Variants in HDAC4 observed in about 807,000 individuals in gnomAD.
HDAC4 encodes the protein histone deacetylase A.
In HDAC4, 16 loss-of-function variants were observed where a neutral mutation model predicts 135.1. The observed-to-expected ratio is 0.12, with a 90% confidence interval of 0.08 to 0.18. HDAC4 has a LOEUF of 0.18. HDAC4 is among the 10% of genes least tolerant of loss of function. HDAC4 has a pLI of 1.00. For synonymous variants in HDAC4, 685 were observed against 653.4 expected, an observed-to-expected ratio of 1.05 and a Z score of -0.74; for missense variants, 1,143 against 1,511.8, an observed-to-expected ratio of 0.76 and a Z score of 4.05.
intron 4 of HDAC4, among the ~76,000 whole-genome samples, chr2:239,179,776 G>T (rs1484128230): frequency 1.3e-5 from 2 of 152,248 alleles, no homozygotes; most frequent in Non-Finnish European, 2.9e-5. Context: ...ATGGGGGGCT[G>T]GGTCCCTGAG....
chr2:239,284,120 C>G (rs1390097724), intron 2 of HDAC4, among the ~76,000 whole-genome samples: 1 of 152,240 alleles, frequency 6.6e-6, no homozygotes, highest in Admixed American at 6.5e-5. Context: ...CCACATGACA[C>G]TCACCTGCTG....
rs2041208726 is a variant in HDAC4, at chr2:239,139,587, A to G, written c.978+97T>C. On this transcript the variant is annotated intron_variant, in intron 9 of 26. Coordinates refer to ENST00000543185, the MANE Select transcript of HDAC4 (RefSeq NM_001378414.1). This position sits in a 1 kb window ranked among gnomAD's most constrained non-coding sequence, Gnocchi z 5.3. ...TTCCCTCACCCCAAATTGGAAGGTG[A>G]AGAGTGAAGGGCAAGTGCAAAGTGG... 1 of 1,108,822 alleles carries G rather than the reference A, an allele frequency of 9.0e-7. No homozygotes were observed. Among genetic ancestry groups the G allele is most frequent in the Non-Finnish European group, 1.4e-6 (1 of 720,146 alleles). The allele number at this position is 1,108,822 out of a possible 1,614,324, so 68.7% of individuals were successfully genotyped here. A position where few individuals can be genotyped will look rare whatever the true frequency, so the allele number is the denominator to read the frequency against.
At chr2:239,198,962 C>A (rs998168149) in intron 3 of HDAC4, among the ~76,000 whole-genome samples, 7 of 152,188 alleles carry the variant, frequency 4.6e-5, no homozygotes, top group Non-Finnish European at 2.9e-5. Flanking sequence ...AATAAATGGA[C>A]AAGTCTGTAA....
Position 239,115,683 on chromosome 2 carries a change from G to A in HDAC4, c.1534-373C>T, listed in dbSNP as rs909475344. ...TTGAGTGTGAAGGGGAGAGGCCAAT[G>A]CTGACCTCACAGCCACAACTGCTAA... On this transcript the variant is annotated intron_variant, in intron 12 of 26. Transcript: ENST00000543185. This position sits in a 1 kb window ranked among gnomAD's most constrained non-coding sequence, Gnocchi z 6.3. Among the ~76,000 whole-genome samples, 1 of 152,000 alleles carries A rather than the reference G, an allele frequency of 6.6e-6. No homozygotes were observed. The highest frequency in any genetic ancestry group is 2.4e-5 in the African/African-American group (1 of 41,362).
chr2:239,323,653 AG>A (rs2053383689), intron 2 of HDAC4, among the ~76,000 whole-genome samples: 1 of 152,048 alleles, frequency 6.6e-6, no homozygotes, highest in African/African-American at 2.4e-5. Context: ...GCGCCTGGAA[AG>A]TGCTTCTTCA....
chr2:239,312,175 C>G (rs983437328), intron 2 of HDAC4, among the ~76,000 whole-genome samples: 8 of 152,154 alleles, frequency 5.3e-5, no homozygotes, highest in African/African-American at 1.7e-4. Context: ...GAAGGAGGGG[C>G]GGGCAGGGGC....
chr2:239,108,831 T>G (rs1216375082), intron 14 of HDAC4, among the ~76,000 whole-genome samples: 2 of 152,234 alleles, frequency 1.3e-5, no homozygotes, highest in Non-Finnish European at 2.9e-5. Flanking sequence ...ACCACAGCAC[T>G]GAGCTCAGCA....
intron 2 of HDAC4, among the ~76,000 whole-genome samples, chr2:239,328,999 G>C (rs1691371047): frequency 6.6e-6 from 1 of 152,242 alleles, no homozygotes; most frequent in Admixed American, 6.5e-5. Flanking sequence ...TGAAAGGCTG[G>C]GAGTGTAAGC....
chr2:239,234,379 C>T (rs1039842494), intron 3 of HDAC4, among the ~76,000 whole-genome samples: 2 of 152,178 alleles, frequency 1.3e-5, no homozygotes, highest in African/African-American at 2.4e-5. Context: ...AGGTAAATGG[C>T]CAGCGTCATG....
intron 8 of HDAC4, chr2:239,140,918 T>G (rs750163396): frequency 8.5e-5 from 39 of 460,004 alleles, no homozygotes; most frequent in South Asian, 5.7e-4. Flanking sequence ...TCTGCAAATA[T>G]AGCCCCGAGC....
chr2:239,298,545 C>T, intron 2 of HDAC4: 1 of 1,025,744 alleles, frequency 9.7e-7, no homozygotes, highest in Admixed American at 5.1e-5. Context: ...ATCATAGCCA[C>T]TGGGGATGCA....
intron 3 of HDAC4, among the ~76,000 whole-genome samples, chr2:239,217,477 T>G (rs569073315): frequency 6.6e-6 from 1 of 152,212 alleles, no homozygotes; most frequent in Admixed American, 6.5e-5. Context: ...AAATATATTA[T>G]TTATATGTTA....
At chr2:239,057,135 G>A (rs1043578043) in intron 24 of HDAC4, among the ~76,000 whole-genome samples, 2 of 152,268 alleles carry the variant, frequency 1.3e-5, no homozygotes, top group African/African-American at 2.4e-5. Flanking sequence ...GACTCATATC[G>A]AAGTAAGATG....
chr2:239,294,440 A>G (rs1234089978), intron 2 of HDAC4, among the ~76,000 whole-genome samples: 1 of 152,170 alleles, frequency 6.6e-6, no homozygotes, highest in African/African-American at 2.4e-5. Flanking sequence ...GAGATGAAAA[A>G]AAAGAGAAAG....
In HDAC4 at chr2:239,308,742, G is replaced by T. The variant is rs1396094765; in HGVS notation, c.22+43936C>A. Among the ~76,000 whole-genome samples, 1 of 152,158 alleles carries T rather than the reference G, an allele frequency of 6.6e-6. No individual in the cohort carries two copies. The highest frequency in any genetic ancestry group is 1.5e-5 in the Non-Finnish European group (1 of 68,040). ...AACTCCGAATCTGCTAACGTGAAGT[G>T]CCAAGACTGCTGTCCGCCAGCGCCC... On this transcript the variant is annotated intron_variant, in intron 2 of 26. Coordinates refer to ENST00000543185, the MANE Select transcript of HDAC4 (RefSeq NM_001378414.1). This position sits in a 1 kb window ranked among gnomAD's most constrained non-coding sequence, Gnocchi z 4.2.
At position 239,115,920 on chromosome 2, in the gene HDAC4, C is replaced by T. The variant is rs143884549; in HGVS notation, c.1534-610G>A. 3.8e-3 allele frequency among the ~76,000 whole-genome samples: 577 copies of T among 152,244 alleles called. 6 individuals are homozygous for T. The highest frequency in any genetic ancestry group is 5.8e-3 in the Non-Finnish European group (393 of 68,014). Reference sequence around the variant, plus strand: ...CTCCCCTTCTGCAGGATCTCAGGGACACCATGACCTCCTTTCTTGCAGGAT... The same window carrying T: ...CTCCCCTTCTGCAGGATCTCAGGGATACCATGACCTCCTTTCTTGCAGGAT... On this transcript the variant is annotated intron_variant, in intron 12 of 26. Transcript: ENST00000543185. This position sits in a 1 kb window ranked among gnomAD's most constrained non-coding sequence, Gnocchi z 6.3.
At chr2:239,255,761 A>C (rs1244800286) in intron 2 of HDAC4, among the ~76,000 whole-genome samples, 3 of 152,190 alleles carry the variant, frequency 2.0e-5, no homozygotes, top group Non-Finnish European at 4.4e-5. Context: ...TCCTACTCTG[A>C]AACACAAAAA....
intron 2 of HDAC4, among the ~76,000 whole-genome samples, chr2:239,252,560 G>C (rs2048842418): frequency 6.6e-6 from 1 of 152,056 alleles, no homozygotes; most frequent in Non-Finnish European, 1.5e-5. Flanking sequence ...GGAAAGAGCA[G>C]AACAAAAAGG....
At chr2:239,326,719 AAAC>A (rs1421374606) in intron 2 of HDAC4, among the ~76,000 whole-genome samples, 1 of 152,262 alleles carries the variant, frequency 6.6e-6, no homozygotes. Flanking sequence ...AGTTGGAAGA[AAAC>A]AACAGATGGC....
Sources: allele counts gnomAD v4.1 joint callset (sites outside exome capture counted in the v4.1 genomes callset), GRCh38; gene constraint gnomAD v4.1.1; non-coding constraint Gnocchi (gnomAD v3.1); transcripts MANE v1.5; gene names NCBI Gene and HGNC (gene_info 2026-07-23, HGNC 2026-07-21).